The following SHQ1 variants were observed in gnomAD, a reference collection of about 807,000 sequenced individuals.
SHQ1 encodes protein SHQ1 homolog.
SHQ1 carries 49 observed loss-of-function variants against 53.8 expected under a neutral mutation model. The ratio of observed to expected loss-of-function variants is 0.91; its 90% CI spans 0.72 to 1.16. The LOEUF (loss-of-function observed/expected upper bound fraction) is 1.16. SHQ1 is among the 50% of genes most tolerant of loss of function. The probability of loss-of-function intolerance (pLI) is 0.00; values close to 1 mark genes in which losing one functional copy is unlikely to be tolerated. For synonymous variants in SHQ1, 243 were observed against 251.0 expected (o/e 0.97, Z 0.30); for missense variants, 738 against 683.1 (o/e 1.08, Z -0.90).
chr3:72,734,806 G>A, the SHQ1 span, among the ~76,000 whole-genome samples: 9 of 151,714 alleles, frequency 5.9e-5, no homozygotes, highest in African/African-American at 1.2e-4. Context: ...AGGGATCGTC[G>A]CACTATTGCA....
the SHQ1 span, among the ~76,000 whole-genome samples, chr3:72,739,496 T>A: frequency 1.3e-5 from 2 of 152,166 alleles, no homozygotes; most frequent in Non-Finnish European, 2.9e-5. Flanking sequence ...GAGGTAAAGA[T>A]GGGGTTCGGA....
At chr3:72,824,785 C>T (rs897834361) in intron 5 of SHQ1, among the ~76,000 whole-genome samples, 1 of 112,916 alleles carries the variant, frequency 8.9e-6, no homozygotes, top group African/African-American at 3.4e-5. Flanking sequence ...CATTGCTGAT[C>T]TCTTTTTTTT....
chr3:72,733,845 C>T, the SHQ1 span, among the ~76,000 whole-genome samples: 1 of 151,446 alleles, frequency 6.6e-6, no homozygotes, highest in East Asian at 1.9e-4. Context: ...TGACGTGGTG[C>T]ACTTAGGCAA....
intron 8 of SHQ1, among the ~76,000 whole-genome samples, chr3:72,813,560 G>A (rs961483102): frequency 3.3e-5 from 5 of 151,004 alleles, no homozygotes; most frequent in African/African-American, 9.7e-5. Context: ...CCAGGAGATC[G>A]AGACCACCCT....
At chr3:72,770,488 A>C (rs1271232530) in intron 10 of SHQ1, among the ~76,000 whole-genome samples, 3 of 152,222 alleles carry the variant, frequency 2.0e-5, no homozygotes, top group Non-Finnish European at 4.4e-5. Flanking sequence ...TTTGAGCCAG[A>C]CTACATCTCA....
intron 10 of SHQ1, among the ~76,000 whole-genome samples, chr3:72,762,218 G>A (rs1465232621): frequency 6.6e-6 from 1 of 152,166 alleles, no homozygotes; most frequent in African/African-American, 2.4e-5. Flanking sequence ...AACGCTAAAT[G>A]CTGAAAAGAA....
Position 72,781,915 on chromosome 3 carries a change from AC to A in SHQ1, c.1181+11000del, listed in dbSNP as rs1460955710. On this transcript the variant is annotated intron_variant, in intron 10 of 10. Coordinates refer to ENST00000325599, the MANE Select transcript of SHQ1 (RefSeq NM_018130.3). ...AGAAGGTCTATTACAGTTTTCCTATACCCCAAAAAGATTGTTTTATGTACTC... is the reference window on the plus strand; with the variant it reads ...AGAAGGTCTATTACAGTTTTCCTATACCCAAAAAGATTGTTTTATGTACTC... 1.1e-4 allele frequency among the ~76,000 whole-genome samples: 16 copies of A among 152,184 alleles called. 1 individual carries two copies. Among genetic ancestry groups the A allele is most frequent in the African/African-American group, 3.9e-4 (16 of 41,428 alleles).
chr3:72,825,739 T>C (rs1287704082), intron 5 of SHQ1, among the ~76,000 whole-genome samples: 2 of 152,232 alleles, frequency 1.3e-5, no homozygotes, highest in Non-Finnish European at 2.9e-5. Context: ...AATTGGTTGC[T>C]TTGATACACT....
At chr3:72,730,543 T>C in the SHQ1 span, among the ~76,000 whole-genome samples, 6 of 152,334 alleles carry the variant, frequency 3.9e-5, no homozygotes, top group African/African-American at 9.6e-5. Context: ...GCCTCTGCTG[T>C]AGGGCCATGT....
chr3:72,740,570 T>C, the SHQ1 span, among the ~76,000 whole-genome samples: 20 of 152,316 alleles, frequency 1.3e-4, no homozygotes, highest in South Asian at 4.1e-4. Flanking sequence ...CTGTTACGTA[T>C]AAGAAAGGCC....
chr3:72,781,004 C>G (rs904331498), intron 10 of SHQ1, among the ~76,000 whole-genome samples: 12 of 150,848 alleles, frequency 8.0e-5, no homozygotes. Flanking sequence ...AATATAGAAG[C>G]AAATAAAGTA....
At chr3:72,780,303 T>G (rs1706045408) in intron 10 of SHQ1, among the ~76,000 whole-genome samples, 1 of 152,176 alleles carries the variant, frequency 6.6e-6, no homozygotes, top group Admixed American at 6.5e-5. Flanking sequence ...CCTTTGCCAA[T>G]AGTTTTATTC....
In SHQ1 at chr3:72,793,143, C is replaced by A. The variant is rs111329127; in HGVS notation, c.1061-107G>T. 10,051 of 1,057,222 alleles carry A rather than the reference C, an allele frequency of 9.5e-3. 669 individuals carry two copies. In the African/African-American group the frequency reaches 0.14, roughly 15 times the overall value. The allele number at this position is 1,057,222 out of a possible 1,614,324, so 65.5% of individuals were successfully genotyped here. On this transcript the variant is annotated intron_variant, in intron 9 of 10. Coordinates refer to ENST00000325599, the MANE Select transcript of SHQ1 (RefSeq NM_018130.3). ...CAGAATCCTGATCATTTCTTAAGAACATTTTTAAATGCAAAAAAATTTATG... is the reference window on the plus strand; with the variant it reads ...CAGAATCCTGATCATTTCTTAAGAAAATTTTTAAATGCAAAAAAATTTATG...
At chr3:72,837,465 T>C (rs1425284527) in intron 4 of SHQ1, among the ~76,000 whole-genome samples, 1 of 152,180 alleles carries the variant, frequency 6.6e-6, no homozygotes, top group Admixed American at 6.5e-5. Context: ...TTCTTCTTTG[T>C]ATATTTTTAT....
chr3:72,813,559 C>T (rs940263540), intron 8 of SHQ1, among the ~76,000 whole-genome samples: 3 of 150,904 alleles, frequency 2.0e-5, no homozygotes, highest in East Asian at 3.9e-4. Context: ...GCCAGGAGAT[C>T]GAGACCACCC....
At position 72,848,371 on chromosome 3, in the gene SHQ1, T is replaced by C; in HGVS notation, c.-31A>G. 6.2e-7 allele frequency: 1 copy of C among 1,609,712 alleles called. No individual in the cohort carries two copies. Among genetic ancestry groups the C allele is most frequent in the African/African-American group, 1.3e-5 (1 of 74,684 alleles). ...CACCGGACGCAAGGGCCGGCGCCGC[T>C]CGCTCTCACTGCCGCCGCGTTCCCG... On this transcript the variant is annotated 5_prime_UTR_variant, in exon 1 of 11. Coordinates refer to ENST00000325599, the MANE Select transcript of SHQ1 (RefSeq NM_018130.3).
Position 72,750,564 on chromosome 3 carries a change from G to A in SHQ1, c.1454C>T (p.Ser485Phe), listed in dbSNP as rs775169012. The A allele has an allele frequency of 1.9e-6, 3 of 1,614,234 alleles. No homozygotes were observed. The highest frequency in any genetic ancestry group is 3.3e-5 in the Admixed American group (2 of 60,032). Residue 485 changes from serine (S) to phenylalanine (F), a missense_variant, in exon 11 of 11, where the codon TCT becomes TTT. Physicochemically the swap from Ser to Phe is radical, Grantham distance 155. Coordinates refer to ENST00000325599, the MANE Select transcript of SHQ1 (RefSeq NM_018130.3). ...ACCTTGCAAAGAACTGACTGTCTCA[G>A]ATGGACTATCTTTGAGTTCATCTTG... is the stretch of plus-strand genomic sequence containing the variant. ...SEQDELKDSP[S>F]ETVSSLQGPF... is the part of the protein sequence containing the mutation.
downstream of SHQ1, among the ~76,000 whole-genome samples, chr3:72,747,073 C>A (rs1027723252): frequency 6.6e-6 from 1 of 152,144 alleles, no homozygotes; most frequent in Non-Finnish European, 1.5e-5. Context: ...ACATTCACAA[C>A]CTTCACAAAC....
intron 4 of SHQ1, among the ~76,000 whole-genome samples, chr3:72,833,379 T>C (rs1406013709): frequency 6.6e-6 from 1 of 152,026 alleles, no homozygotes; most frequent in Non-Finnish European, 1.5e-5. Flanking sequence ...AGATGGAGGC[T>C]GCAGTGAGCC....
Sources: gnomAD v4.1 joint callset for allele counts (sites outside exome capture counted in the v4.1 genomes callset) on GRCh38, gnomAD v4.1.1 for gene constraint, MANE v1.5 for transcripts, NCBI Gene and HGNC (gene_info 2026-07-23, HGNC 2026-07-21) for gene names.